Variants in SDR42E2 observed in about 807,000 individuals in gnomAD.
SDR42E2 encodes short chain dehydrogenase/reductase family 42E, member 2.
A neutral mutation model predicts 10.5 loss-of-function variants in SDR42E2; 20 were observed. That is an observed-to-expected ratio of 1.90 (90% CI 1.34 to 2.77). The LOEUF (loss-of-function observed/expected upper bound fraction) is 2.77. SDR42E2 is among the 30% of genes most tolerant of loss of function. The pLI, the probability that SDR42E2 is intolerant of heterozygous loss-of-function variation, is 0.00. For synonymous variants in SDR42E2, 72 were observed against 39.2 expected (o/e 1.84, Z -3.12); for missense variants, 162 against 104.2 (o/e 1.55, Z -2.42).
chr16:22,190,202 G>C lies in SDR42E2; in HGVS notation c.1078G>C (p.Ala360Pro). 2.5e-6 allele frequency: 1 copy of C among 401,066 alleles called. No homozygotes were observed. The highest frequency in any genetic ancestry group is 1.3e-4 in the South Asian group (1 of 7,990). 24.8% of individuals were successfully genotyped at this position (401,066 alleles called of 1,614,324 possible). A position where few individuals can be genotyped will look rare whatever the true frequency, so the allele number is the denominator to read the frequency against. The change falls in exon 13 of 13, where the codon GCG becomes CCG. Residue 360 changes from alanine to proline, a missense_variant. Ala to Pro is a conservative substitution (Grantham distance 27, BLOSUM62 -1). Transcript: ENST00000602312. ...IAKARAQLGYAPDKFRFADAV... is the reference protein window; with the variant it reads ...IAKARAQLGYPPDKFRFADAV... Reference sequence around the variant, plus strand: ...CAAGGCCCGCGCCCAGCTCGGCTACGCGCCGGATAAGTTTAGGTTCGCCGA... The same window carrying C: ...CAAGGCCCGCGCCCAGCTCGGCTACCCGCCGGATAAGTTTAGGTTCGCCGA...
chr16:22,171,690 G>A (rs566963998), intron 6 of SDR42E2, among the ~76,000 whole-genome samples: 1 of 152,070 alleles, frequency 6.6e-6, no homozygotes, highest in Non-Finnish European at 1.5e-5. Flanking sequence ...GCGCCACCAC[G>A]CCCAGCTAAT....
intron 7 of SDR42E2, among the ~76,000 whole-genome samples, chr16:22,177,591 G>A (rs890734665): frequency 1.3e-5 from 2 of 152,006 alleles, no homozygotes; most frequent in Non-Finnish European, 2.9e-5. Context: ...TTGCGCCACT[G>A]CATTGCAGCC....
chr16:22,165,334 C>A (rs1449943163), intron 1 of SDR42E2, among the ~76,000 whole-genome samples: 2 of 152,160 alleles, frequency 1.3e-5, no homozygotes, highest in Non-Finnish European at 2.9e-5. Flanking sequence ...GTGATCCGCC[C>A]ACCTCAGCCT....
chr16:22,176,327 C>T (rs78292851), intron 7 of SDR42E2, among the ~76,000 whole-genome samples: 7,633 of 152,074 alleles, frequency 0.05, 627 homozygotes, highest in African/African-American at 0.18. Context: ...CGTTTTATTG[C>T]CCAGGCAGTA....
chr16:22,166,039 G>A lies in SDR42E2; in HGVS notation c.56-211G>A, dbSNP rs1340286709. ...TCTAGGAGGTGGGTTGGGACCTGGT[G>A]TAGGAGCTGGGCCAGGAGCTGGGTC... On this transcript the variant is annotated intron_variant, in intron 2 of 12. Coordinates refer to ENST00000602312, the MANE Select transcript of SDR42E2 (RefSeq NM_001394319.2). Among the ~76,000 whole-genome samples the A allele has an allele frequency of 6.8e-5, 10 of 147,392 alleles. 1 individual carries two copies. Among genetic ancestry groups the A allele is most frequent in the African/African-American group, 2.6e-4 (10 of 39,056 alleles).
rs995038553 is a variant in SDR42E2 at position 22,184,166 on chromosome 16, C to T, written c.877-15C>T. ...TGAACCACTTGTTCTCACTCCAGGT[C>T]GTGTTTCTTTGCAGTTTGAGAAGCT... On this transcript the variant is annotated splice_polypyrimidine_tract_variant and intron_variant, in intron 10 of 12. Transcript: ENST00000602312. The T allele has an allele frequency of 1.7e-5, 7 of 401,052 alleles. No homozygotes were observed. The highest frequency in any genetic ancestry group is 3.6e-5 in the East Asian group (1 of 28,076). The allele number at this position is 401,052 out of a possible 1,614,324, so 24.8% of individuals were successfully genotyped here. A position where few individuals can be genotyped will look rare whatever the true frequency, so the allele number is the denominator to read the frequency against.
At chr16:22,164,222 C>T (rs1036996886) in intron 1 of SDR42E2, among the ~76,000 whole-genome samples, 1 of 152,102 alleles carries the variant, frequency 6.6e-6, no homozygotes, top group Non-Finnish European at 1.5e-5. Flanking sequence ...GAGTTCACTA[C>T]TAGCCTGGGC....
chr16:22,181,071 G>A (rs2046688669), intron 8 of SDR42E2, among the ~76,000 whole-genome samples: 1 of 152,216 alleles, frequency 6.6e-6, no homozygotes, highest in East Asian at 1.9e-4. Context: ...GGCTGAGGGT[G>A]GACAGAGGGG....
At chr16:22,176,666 T>A in intron 7 of SDR42E2, among the ~76,000 whole-genome samples, 1 of 152,186 alleles carries the variant, frequency 6.6e-6, no homozygotes, top group Non-Finnish European at 1.5e-5. Flanking sequence ...CAAGCAATCC[T>A]CCTGCCTTGG....
rs1050862098 is a variant in SDR42E2 at position 22,181,638 on chromosome 16, G to A, written c.792G>A (p.Thr264=). 3.1e-5 allele frequency: 22 copies of A among 702,928 alleles called. No homozygotes were observed. Among genetic ancestry groups the A allele is most frequent in the East Asian group, 1.1e-4 (4 of 37,292 alleles). 43.5% of individuals were successfully genotyped at this position (702,928 alleles called of 1,614,324 possible). A position where few individuals can be genotyped will look rare whatever the true frequency, so the allele number is the denominator to read the frequency against. Reference sequence around the variant, plus strand: ...TGCTGGCGGCCGAGGCCCTCACCACGGCCAAGGGCTACGTGGCTGTGAGTC... The same window carrying A: ...TGCTGGCGGCCGAGGCCCTCACCACAGCCAAGGGCTACGTGGCTGTGAGTC... ...AHVLAAEALT[T]AKGYVASGQA... is the part of the protein sequence containing the mutation. The change falls in exon 9 of 13, where the codon ACG becomes ACA. Residue 264 remains threonine (T), a synonymous_variant. Transcript: ENST00000602312.
Position 22,190,214 on chromosome 16 carries a change from T to C in SDR42E2, c.1090T>C (p.Phe364Leu), listed in dbSNP as rs1222691052. Residue 364 changes from phenylalanine (F) to leucine (L), a missense_variant, in exon 13 of 13, where the codon TTT becomes CTT. Phe to Leu is a conservative substitution (Grantham distance 22). Transcript: ENST00000602312. The stretch of plus-strand genomic sequence containing the variant: ...CCAGCTCGGCTACGCGCCGGATAAG[T>C]TTAGGTTCGCCGACGCCGTGGAGCT... ...RAQLGYAPDK[F>L]RFADAVELYV... 4 of 400,972 alleles carry C rather than the reference T, an allele frequency of 1.0e-5. No homozygotes were observed. The highest frequency in any genetic ancestry group is 6.2e-4 in the Middle Eastern group (2 of 3,232). 24.8% of individuals were successfully genotyped at this position (400,972 alleles called of 1,614,324 possible).
At chr16:22,178,320 G>A in intron 8 of SDR42E2, 108 bp downstream of exon 8, 2 of 629,112 alleles carry the variant, frequency 3.2e-6, no homozygotes, top group Non-Finnish European at 2.9e-6. Context: ...TCGAGGCTAA[G>A]TGTCCTGAGC....
At chr16:22,176,184 T>C (rs1052031225) in intron 7 of SDR42E2, among the ~76,000 whole-genome samples, 4 of 152,166 alleles carry the variant, frequency 2.6e-5, no homozygotes, top group East Asian at 1.9e-4. Context: ...AGTGGCGCTA[T>C]CATGGCTCAC....
chr16:22,174,398 A>G (rs557320537), intron 7 of SDR42E2, among the ~76,000 whole-genome samples: 3 of 152,200 alleles, frequency 2.0e-5, no homozygotes, highest in Admixed American at 2.0e-4. Context: ...ACCTCACTCA[A>G]GATCATCCAG....
chr16:22,164,910 C>A (rs2046522617), intron 1 of SDR42E2, among the ~76,000 whole-genome samples: 1 of 152,142 alleles, frequency 6.6e-6, no homozygotes, highest in Non-Finnish European at 1.5e-5. Flanking sequence ...CTTTGGTACT[C>A]CATGGAAACT....
chr16:22,183,213 C>G (rs541935836), intron 10 of SDR42E2, among the ~76,000 whole-genome samples: 1 of 152,192 alleles, frequency 6.6e-6, no homozygotes, highest in South Asian at 2.1e-4. Flanking sequence ...ACCTCTGCCT[C>G]CTGGGTTCAA....
chr16:22,190,272 G>T lies in SDR42E2; in HGVS notation c.1148G>T (p.Gly383Val), dbSNP rs902148384. ...CAGTCCACGACCCGGCGGCCCCGCG[G>T]CTCCACGGCGCGGACCCTCCTGCGC... is the stretch of plus-strand genomic sequence containing the variant. ...YVQSTTRRPR[G>V]STARTLLRLL... The change falls in exon 13 of 13, where the codon GGC becomes GTC. Residue 383 changes from glycine to valine, a missense_variant. Physicochemically the swap from Gly to Val is moderately radical, Grantham distance 109. Transcript: ENST00000602312. 76 of 401,234 alleles carry T rather than the reference G, an allele frequency of 1.9e-4. No homozygotes were observed. The highest frequency in any genetic ancestry group is 3.3e-4 in the Non-Finnish European group (74 of 226,378). The allele number at this position is 401,234 out of a possible 1,614,324, so 24.9% of individuals were successfully genotyped here. A position where few individuals can be genotyped will look rare whatever the true frequency, so the allele number is the denominator to read the frequency against.
intron 12 of SDR42E2, 89 bp downstream of exon 12, chr16:22,186,883 T>C (rs2046740614): frequency 4.0e-6 from 1 of 252,278 alleles, no homozygotes; most frequent in South Asian, 2.2e-4. Flanking sequence ...TGCCACTCCT[T>C]ACCCCTTTGA....
chr16:22,167,624 C>T (rs1269701163), intron 4 of SDR42E2, among the ~76,000 whole-genome samples: 1 of 152,064 alleles, frequency 6.6e-6, no homozygotes, highest in African/African-American at 2.4e-5. Context: ...TAGTATCCAC[C>T]AAAACATATG....
Sources: allele counts gnomAD v4.1 joint callset (sites outside exome capture counted in the v4.1 genomes callset), GRCh38; gene constraint gnomAD v4.1.1; transcripts MANE v1.5; gene names NCBI Gene and HGNC (gene_info 2026-07-23, HGNC 2026-07-21).